Variants in CLVS1 observed in about 807,000 individuals in gnomAD.
CLVS1 encodes the protein clavesin-1.
Under a neutral mutation model 33.1 loss-of-function variants are expected in CLVS1, and 10 were observed. The observed-to-expected ratio is 0.30, with a 90% confidence interval of 0.19 to 0.51. CLVS1 has a LOEUF of 0.51. Among genes scored for constraint, CLVS1 ranks in the 20% least tolerant of loss-of-function variants. CLVS1 has a pLI of 0.97. For missense variants in CLVS1, 343 were observed against 433.4 expected (o/e 0.79, Z 1.85); for synonymous variants, 163 against 166.1 (o/e 0.98, Z 0.14).
intron 2 of CLVS1, among the ~76,000 whole-genome samples, chr8:61,241,646 A>T (rs147752866): frequency 6.6e-6 from 1 of 152,228 alleles, no homozygotes; most frequent in African/African-American, 2.4e-5. Flanking sequence ...CTACATCCAC[A>T]TACATTGGGA....
At chr8:61,210,248 A>G (rs1351516675) in intron 2 of CLVS1, among the ~76,000 whole-genome samples, 1 of 152,226 alleles carries the variant, frequency 6.6e-6, no homozygotes, top group Non-Finnish European at 1.5e-5. Context: ...GGAGGTAGAA[A>G]GGAGTACTCT....
the CLVS1 span, among the ~76,000 whole-genome samples, chr8:61,038,871 T>C: frequency 2.6e-5 from 4 of 152,236 alleles, no homozygotes; most frequent in African/African-American, 9.6e-5. Context: ...TAGATGTCTC[T>C]GAGATAGGAT....
chr8:61,074,333 G>T (rs1332109634), intron 1 of CLVS1, among the ~76,000 whole-genome samples: 1 of 145,528 alleles, frequency 6.9e-6, no homozygotes, highest in Non-Finnish European at 1.5e-5. Context: ...GCGAGACCCT[G>T]TCTCAAATTT....
intron 1 of CLVS1, among the ~76,000 whole-genome samples, chr8:61,091,766 A>G (rs1805254405): frequency 1.3e-5 from 2 of 152,238 alleles, no homozygotes; most frequent in African/African-American, 4.8e-5. Context: ...AGGCCTTTTT[A>G]GGAAAAAAAC....
intron 1 of CLVS1, among the ~76,000 whole-genome samples, chr8:61,068,199 G>GTGTGTA (rs1554531422): frequency 3.0e-4 from 29 of 97,834 alleles, no homozygotes; most frequent in Middle Eastern, 6.0e-3. Flanking sequence ...ATGTGTATAT[G>GTGTGTA]TATATATATA....
intron 2 of CLVS1, among the ~76,000 whole-genome samples, chr8:61,276,091 A>G (rs551726748): frequency 1.3e-5 from 2 of 152,226 alleles, no homozygotes; most frequent in Non-Finnish European, 2.9e-5. Flanking sequence ...CTGAACATCC[A>G]TTAAGAAACC....
At chr8:61,459,511 TC>T (rs1047330437) in intron 5 of CLVS1, among the ~76,000 whole-genome samples, 1 of 138,374 alleles carries the variant, frequency 7.2e-6, no homozygotes. Flanking sequence ...CTCCTACTCT[TC>T]CCCCCAAGTC....
At chr8:61,285,034 C>T (rs113115782), upstream of CLVS1, among the ~76,000 whole-genome samples, 18 of 152,156 alleles carry the variant, frequency 1.2e-4, 1 homozygote, top group East Asian at 7.7e-4. Flanking sequence ...ATGGAAGTTG[C>T]GCCTCTAAGG....
Position 61,362,814 on chromosome 8 carries a change from G to A in CLVS1, c.456-13791G>A, listed in dbSNP as rs551819435. Among the ~76,000 whole-genome samples, 7 of 152,240 alleles carry A rather than the reference G, an allele frequency of 4.6e-5. No homozygotes were observed. The South Asian group carries it at 1.5e-3, about 32-fold the overall frequency. ...ATTCACTCTCTCCCCAAGCTTTCCTGATACTTCAGCTTGCTGCAGTCAGCA... is the reference window on the plus strand; with the variant it reads ...ATTCACTCTCTCCCCAAGCTTTCCTAATACTTCAGCTTGCTGCAGTCAGCA... On this transcript the variant is annotated intron_variant, in intron 2 of 5. Coordinates refer to ENST00000325897, the MANE Select transcript of CLVS1 (RefSeq NM_173519.3).
At chr8:61,075,403 T>A (rs1476087978) in intron 1 of CLVS1, among the ~76,000 whole-genome samples, 1 of 152,180 alleles carries the variant, frequency 6.6e-6, no homozygotes. Context: ...CACCCTCCAG[T>A]GTTGACAAAG....
At chr8:61,312,647 G>A (rs542804390) in intron 2 of CLVS1, among the ~76,000 whole-genome samples, 1 of 152,172 alleles carries the variant, frequency 6.6e-6, no homozygotes, top group Admixed American at 6.5e-5. Flanking sequence ...GATTGTTAAT[G>A]TTAATAATGC....
At chr8:61,243,116 T>C (rs937473745) in intron 2 of CLVS1, among the ~76,000 whole-genome samples, 3 of 152,370 alleles carry the variant, frequency 2.0e-5, no homozygotes, top group South Asian at 4.1e-4. Flanking sequence ...AGAGTATTCA[T>C]TTAATTTATT....
At chr8:61,335,520 A>G (rs1444394699) in intron 2 of CLVS1, among the ~76,000 whole-genome samples, 1 of 152,226 alleles carries the variant, frequency 6.6e-6, no homozygotes, top group African/African-American at 2.4e-5. Context: ...CTCTGTAAGC[A>G]TTGTGTACCC....
chr8:61,305,418 A>ATG (rs1444910603), intron 2 of CLVS1, among the ~76,000 whole-genome samples: 18 of 152,142 alleles, frequency 1.2e-4, no homozygotes, highest in African/African-American at 4.3e-4. Flanking sequence ...GTGAGTGAGA[A>ATG]CATGAAATAT....
At chr8:61,034,539 G>A in the CLVS1 span, among the ~76,000 whole-genome samples, 96,744 of 151,736 alleles carry the variant, frequency 0.64, 30,946 homozygotes, top group Middle Eastern at 0.73. Flanking sequence ...ATCCCTCCCC[G>A]AGCCTCTGTA....
intron 2 of CLVS1, among the ~76,000 whole-genome samples, chr8:61,331,478 A>T (rs1460307311): frequency 1.3e-5 from 2 of 149,498 alleles, no homozygotes; most frequent in African/African-American, 4.9e-5. Context: ...TATTATTATT[A>T]TTTTTAACTT....
At chr8:61,004,776 T>C in the CLVS1 span, among the ~76,000 whole-genome samples, 2 of 152,200 alleles carry the variant, frequency 1.3e-5, no homozygotes, top group East Asian at 3.8e-4. Flanking sequence ...GGCCTCTGCC[T>C]GGGCCCCGCG....
intron 2 of CLVS1, among the ~76,000 whole-genome samples, chr8:61,308,123 A>T (rs1810696925): frequency 6.6e-6 from 1 of 152,244 alleles, no homozygotes; most frequent in Non-Finnish European, 1.5e-5. Context: ...AATACTGCAC[A>T]TATATAGACT....
the CLVS1 span, among the ~76,000 whole-genome samples, chr8:61,033,161 A>AAGAAAGAAAGAAAG: frequency 3.3e-5 from 3 of 92,128 alleles, no homozygotes; most frequent in South Asian, 4.0e-4. Context: ...GAAAGAAAGA[A>AAGAAAGAAAGAAAG]AAAGAAAGAA....
Sources: gnomAD v4.1 joint callset for allele counts (sites outside exome capture counted in the v4.1 genomes callset) on GRCh38, gnomAD v4.1.1 for gene constraint, MANE v1.5 for transcripts, NCBI Gene and HGNC (gene_info 2026-07-23, HGNC 2026-07-21) for gene names.